RBFOX1: variants seen among roughly 807,000 people sequenced by gnomAD.
RBFOX1 encodes RNA binding protein fox-1 homolog 1.
In RBFOX1, 8 loss-of-function variants were observed where a neutral mutation model predicts 57.7. That is an observed-to-expected ratio of 0.14 (90% confidence interval 0.08 to 0.25). The LOEUF is 0.25. Among genes scored for constraint, RBFOX1 ranks in the 10% least tolerant of loss-of-function variants. The pLI, the probability that RBFOX1 is intolerant of heterozygous loss-of-function variation, is 1.00. For synonymous variants in RBFOX1, 326 were observed against 222.4 expected (o/e 1.47, Z -4.15); for missense variants, 611 against 548.5 (o/e 1.11, Z -1.14).
intron 3 of RBFOX1, among the ~76,000 whole-genome samples, chr16:6,684,227 G>A (rs139484208): frequency 6.6e-6 from 1 of 152,292 alleles, no homozygotes; most frequent in East Asian, 1.9e-4. Flanking sequence ...TGGAACTGGT[G>A]GGTTGCTGGT....
chr16:7,482,781 C>T (rs1250040857), intron 4 of RBFOX1, among the ~76,000 whole-genome samples: 1 of 151,936 alleles, frequency 6.6e-6, no homozygotes, highest in Non-Finnish European at 1.5e-5. Context: ...CCCCTGCCTA[C>T]CCACCTCTAT....
At chr16:6,463,676 T>C (rs766983846) in intron 2 of RBFOX1, among the ~76,000 whole-genome samples, 1 of 152,178 alleles carries the variant, frequency 6.6e-6, no homozygotes, top group African/African-American at 2.4e-5. Flanking sequence ...TCGTTCACCA[T>C]GTCATTTAGC....
chr16:5,275,645 C>G (rs1460851196), intron 1 of RBFOX1, among the ~76,000 whole-genome samples: 2 of 152,172 alleles, frequency 1.3e-5, no homozygotes, highest in African/African-American at 2.4e-5. Flanking sequence ...CAATTCCTAT[C>G]AAAATACCAT....
chr16:5,934,212 G>A (rs1396119898), intron 4 of RBFOX1, among the ~76,000 whole-genome samples: 1 of 152,234 alleles, frequency 6.6e-6, no homozygotes, highest in African/African-American at 2.4e-5. Flanking sequence ...ATCCTGTAGG[G>A]AGAAAGGCCC....
chr16:7,676,657 A>T, intron 13 of RBFOX1, 117 bp from the exon 14 acceptor site: 1 of 881,864 alleles, frequency 1.1e-6, no homozygotes, highest in Non-Finnish European at 1.9e-6. Flanking sequence ...GCTTTCATTA[A>T]CCTCAACTTT....
At chr16:6,674,091 A>C (rs998439896) in intron 3 of RBFOX1, among the ~76,000 whole-genome samples, 2 of 152,194 alleles carry the variant, frequency 1.3e-5, no homozygotes, top group Non-Finnish European at 2.9e-5. Flanking sequence ...TGGTTCTAAT[A>C]GAAACACCAT....
At chr16:6,808,176 GTGTATATA>G (rs1249123277) in intron 3 of RBFOX1, among the ~76,000 whole-genome samples, 43 of 143,836 alleles carry the variant, frequency 3.0e-4, no homozygotes, top group African/African-American at 1.2e-3. Context: ...GTGTGTGTGT[GTGTATATA>G]TATATATATA....
intron 2 of RBFOX1, among the ~76,000 whole-genome samples, chr16:6,581,137 G>A (rs1049522566): frequency 6.6e-6 from 1 of 152,018 alleles, no homozygotes; most frequent in Non-Finnish European, 1.5e-5. Flanking sequence ...GTAGGTCCAC[G>A]TGGGACAACC....
At chr16:6,734,475 A>C (rs145833818) in intron 3 of RBFOX1, among the ~76,000 whole-genome samples, 22 of 152,292 alleles carry the variant, frequency 1.4e-4, no homozygotes, top group Admixed American at 4.6e-4. Flanking sequence ...GTATTGCCTC[A>C]TTACAGATGA....
At chr16:5,621,829 G>T (rs1445070029) in intron 3 of RBFOX1, among the ~76,000 whole-genome samples, 1 of 152,094 alleles carries the variant, frequency 6.6e-6, no homozygotes, top group Admixed American at 6.6e-5. Context: ...TATCTATCCA[G>T]GTACATATTT....
intron 3 of RBFOX1, among the ~76,000 whole-genome samples, chr16:5,711,715 G>T (rs986758116): frequency 6.6e-6 from 1 of 152,124 alleles, no homozygotes; most frequent in African/African-American, 2.4e-5. Context: ...TCAGGAAAAT[G>T]GGAATTCAAT....
intron 2 of RBFOX1, among the ~76,000 whole-genome samples, chr16:6,450,748 TATATAC>T (rs2094572208): frequency 1.6e-5 from 1 of 60,620 alleles, no homozygotes; most frequent in African/African-American, 5.9e-5. Context: ...ATTTTATATA[TATATAC>T]ATATATATAT....
chr16:7,453,344 T>C (rs931403102), intron 4 of RBFOX1, among the ~76,000 whole-genome samples: 2 of 151,918 alleles, frequency 1.3e-5, no homozygotes, highest in Admixed American at 1.3e-4. Flanking sequence ...GAAGAGATCA[T>C]TGTCCTCATA....
At chr16:6,222,631 TGTGATTCA>T (rs112258865) in intron 1 of RBFOX1, among the ~76,000 whole-genome samples, 145,070 of 151,228 alleles carry the variant, frequency 0.96, 69,860 homozygotes, top group East Asian at 1. Context: ...TTCCAGAGAC[TGTGATTCA>T]GTGATTCAGT....
At chr16:7,509,629 G>T (rs868511964) in intron 4 of RBFOX1, among the ~76,000 whole-genome samples, 2 of 152,156 alleles carry the variant, frequency 1.3e-5, no homozygotes, top group African/African-American at 4.8e-5. Context: ...GTCATCATCA[G>T]TTATGGTATT....
At chr16:6,103,204 A>C (rs970218506) in intron 1 of RBFOX1, among the ~76,000 whole-genome samples, 2 of 152,144 alleles carry the variant, frequency 1.3e-5, no homozygotes, top group African/African-American at 2.4e-5. Context: ...AATGAAGAGG[A>C]GGCTTGGGGT....
Position 6,621,357 on chromosome 16 carries a change from G to C in RBFOX1, c.-63-33246G>C, listed in dbSNP as rs564437674. ...CAGGCGCCTGTAGTCCCAGCTACTC[G>C]GGAGGCTGAGGCAGGAGAATGGCGT... On this transcript the variant is annotated intron_variant, in intron 2 of 15. Coordinates refer to ENST00000550418, the MANE Select transcript of RBFOX1 (RefSeq NM_018723.4). Among the ~76,000 whole-genome samples the C allele has an allele frequency of 1.6e-4, 25 of 152,226 alleles. No individual in the cohort carries two copies. In the East Asian group the frequency reaches 3.9e-3, roughly 24 times the overall value.
At chr16:5,676,615 C>T (rs773168333) in intron 3 of RBFOX1, among the ~76,000 whole-genome samples, 27 of 152,142 alleles carry the variant, frequency 1.8e-4, no homozygotes, top group Admixed American at 3.3e-4. Context: ...AATCCCAGCA[C>T]TTGGGGAGGC....
chr16:5,357,120 G>A (rs946253500), intron 1 of RBFOX1, among the ~76,000 whole-genome samples: 3 of 152,294 alleles, frequency 2.0e-5, no homozygotes, highest in Non-Finnish European at 2.9e-5. Flanking sequence ...AATCTCATGA[G>A]CATTTGTTGA....
Sources: allele counts gnomAD v4.1 joint callset (sites outside exome capture counted in the v4.1 genomes callset), GRCh38; gene constraint gnomAD v4.1.1; transcripts MANE v1.5; gene names NCBI Gene and HGNC (gene_info 2026-07-23, HGNC 2026-07-21).